The following EVC2 variants were observed in gnomAD, a reference collection of about 807,000 sequenced individuals.
EVC2 encodes the protein limbin.
EVC2 carries 148 observed loss-of-function variants against 149.3 expected under a neutral mutation model. The ratio of observed to expected loss-of-function variants is 0.99; its 90% confidence interval spans 0.87 to 1.14. EVC2 has a LOEUF of 1.14. Ranked by LOEUF, EVC2 falls within the 50% of genes most tolerant of loss-of-function variation. The pLI, the probability that EVC2 is intolerant of heterozygous loss-of-function variation, is 0.00. For synonymous variants in EVC2, 776 were observed against 649.9 expected (o/e 1.19, Z -2.95); for missense variants, 1,854 against 1,627.3 (o/e 1.14, Z -2.40).
Position 5,567,898 on chromosome 4 carries a change from T to C in EVC2, c.3557+546A>G, listed in dbSNP as rs1176622682. On this transcript the variant is annotated intron_variant, in intron 20 of 21. Transcript: ENST00000344408. This position sits in a 1 kb window ranked among gnomAD's most constrained non-coding sequence, Gnocchi z 4.4. Reference sequence around the variant, plus strand: ...AGGAAATAGAATCTAAGTAATGGGATAAGAATTACATAGGGGGATGTTTGC... The same window carrying C: ...AGGAAATAGAATCTAAGTAATGGGACAAGAATTACATAGGGGGATGTTTGC... Among the ~76,000 whole-genome samples, 1 of 152,164 alleles carries C rather than the reference T, an allele frequency of 6.6e-6. No individual in the cohort carries two copies. The highest frequency in any genetic ancestry group is 2.4e-5 in the African/African-American group (1 of 41,424).
At chr4:5,597,597 C>T (rs1365631482) in intron 16 of EVC2, among the ~76,000 whole-genome samples, 5 of 151,260 alleles carry the variant, frequency 3.3e-5, no homozygotes, top group African/African-American at 9.7e-5. Flanking sequence ...TATGACAAAC[C>T]CACAGCCAAT....
intron 17 of EVC2, among the ~76,000 whole-genome samples, chr4:5,582,816 C>T (rs374320049): frequency 6.9e-4 from 105 of 152,218 alleles, no homozygotes; most frequent in East Asian, 3.3e-3. Flanking sequence ...GTGCTGTTCT[C>T]GTGATGGAGT....
At chr4:5,544,191 C>T (rs1166566810) in intron 21 of EVC2, among the ~76,000 whole-genome samples, 2 of 151,192 alleles carry the variant, frequency 1.3e-5, no homozygotes, top group Non-Finnish European at 1.5e-5. Flanking sequence ...TACCTGGCCA[C>T]AACCTAAGGC....
chr4:5,574,306 G>A (rs1333472329), intron 19 of EVC2, among the ~76,000 whole-genome samples: 1 of 152,242 alleles, frequency 6.6e-6, no homozygotes, highest in African/African-American at 2.4e-5. Flanking sequence ...TCAGAGAGGT[G>A]TAGTGTGGGG....
At position 5,640,687 on chromosome 4, in the gene EVC2, T is replaced by C. The variant is rs1717263451; in HGVS notation, c.1297A>G (p.Lys433Glu). Reference protein sequence around the residue: ...QVERKMSAVFKKQFLLLENEI... With the variant: ...QVERKMSAVFEKQFLLLENEI... ...TTTTCCAGCAATAGAAACTGCTTTT[T>C]GAAAACAGCACTCATTTTTCTCTCT... Residue 433 changes from lysine to glutamate, a missense_variant, in exon 10 of 22, where the codon AAA (lysine) becomes GAA (glutamate). Physicochemically the swap from Lys to Glu is moderately conservative, Grantham distance 56. Coordinates refer to ENST00000344408, the MANE Select transcript of EVC2 (RefSeq NM_147127.5). This position sits in a 1 kb window ranked among gnomAD's most constrained non-coding sequence, Gnocchi z 4.6. 1 of 1,614,070 alleles carries C rather than the reference T, an allele frequency of 6.2e-7. No individual in the cohort carries two copies. Among genetic ancestry groups the C allele is most frequent in the Non-Finnish European group, 8.5e-7 (1 of 1,180,040 alleles).
At position 5,677,735 on chromosome 4, in the gene EVC2, G is replaced by A. The variant is rs1043905808; in HGVS notation, c.870+3525C>T. Among the ~76,000 whole-genome samples, 12 of 152,166 alleles carry A rather than the reference G, an allele frequency of 7.9e-5. No individual in the cohort carries two copies. Among genetic ancestry groups the A allele is most frequent in the Non-Finnish European group, 1.3e-4 (9 of 68,024 alleles). ...CATTGACGACAATAAGCTCAATCAC[G>A]GGATATTTACCTGTTGAGTGCCACC... is the stretch of plus-strand genomic sequence containing the variant. On this transcript the variant is annotated intron_variant, in intron 7 of 21. Transcript: ENST00000344408. This position sits in a 1 kb window ranked among gnomAD's most constrained non-coding sequence, Gnocchi z 4.3.
At chr4:5,583,594 TAGTTTTTGAATTCATTTC>T (rs1711997421) in intron 17 of EVC2, among the ~76,000 whole-genome samples, 1 of 152,210 alleles carries the variant, frequency 6.6e-6, no homozygotes, top group African/African-American at 2.4e-5. Context: ...TGCATTTTTC[TAGTTTTTGAATTCATTTC>T]AGTTTTTGAA....
At chr4:5,549,865 G>C (rs141629733) in intron 21 of EVC2, among the ~76,000 whole-genome samples, 3 of 152,304 alleles carry the variant, frequency 2.0e-5, no homozygotes, top group African/African-American at 7.2e-5. Flanking sequence ...ATTGAATCAT[G>C]GGGGCTGGTC....
intron 2 of EVC2, 109 bp from the exon 3 acceptor site, chr4:5,694,610 T>A (rs770648315): frequency 7.9e-6 from 10 of 1,268,434 alleles, no homozygotes; most frequent in Non-Finnish European, 1.0e-5. Flanking sequence ...TTAGAAGACG[T>A]TTGTTGGGTA....
intron 9 of EVC2, among the ~76,000 whole-genome samples, chr4:5,641,560 A>G (rs6833786): frequency 0.67 from 101,180 of 152,094 alleles, 33,848 homozygotes; most frequent in African/African-American, 0.72. Context: ...AAAACTGTAT[A>G]TACTTCCAGT....
At position 5,593,203 on chromosome 4, in the gene EVC2, T is replaced by G. The variant is rs58497451; in HGVS notation, c.2830-8353A>C. ...TCTCGGGTATGTCCTTATAGTAGTG[T>G]GAGAATGGACTAATACAGGATGCAA... On this transcript the variant is annotated intron_variant, in intron 16 of 21. Coordinates refer to ENST00000344408, the MANE Select transcript of EVC2 (RefSeq NM_147127.5). Among the ~76,000 whole-genome samples the G allele has an allele frequency of 2.1e-3, 326 of 152,276 alleles. 2 individuals carry two copies. Among genetic ancestry groups the G allele is most frequent in the African/African-American group, 7.5e-3 (310 of 41,544 alleles).
intron 9 of EVC2, among the ~76,000 whole-genome samples, chr4:5,662,617 T>C (rs970844945): frequency 1.4e-5 from 2 of 145,148 alleles, no homozygotes; most frequent in African/African-American, 5.0e-5. Context: ...TAAATATATT[T>C]AGATTAATTA....
At chr4:5,538,905 C>T (rs547945755), downstream of EVC2, among the ~76,000 whole-genome samples, 12 of 152,150 alleles carry the variant, frequency 7.9e-5, no homozygotes, top group Admixed American at 2.0e-4. Context: ...GGGTTATATC[C>T]GCTCTCACCA....
intron 16 of EVC2, among the ~76,000 whole-genome samples, chr4:5,606,175 T>C (rs1379354494): frequency 2.0e-5 from 3 of 152,220 alleles, no homozygotes; most frequent in African/African-American, 7.2e-5. Context: ...AGCTGCTAAG[T>C]GCAGCCTTGC....
chr4:5,597,208 C>T (rs1713513333), intron 16 of EVC2, among the ~76,000 whole-genome samples: 2 of 152,164 alleles, frequency 1.3e-5, no homozygotes, highest in Admixed American at 1.3e-4. Flanking sequence ...TCCTCCCTAA[C>T]TCATTTTATG....
chr4:5,557,314 A>G (rs1319140571), intron 21 of EVC2, among the ~76,000 whole-genome samples: 8 of 152,180 alleles, frequency 5.3e-5, no homozygotes, highest in Admixed American at 5.2e-4. Flanking sequence ...CGGGCTAAAG[A>G]AAAAATCCTA....
intron 16 of EVC2, among the ~76,000 whole-genome samples, chr4:5,586,230 G>C (rs1308080699): frequency 6.6e-6 from 1 of 152,164 alleles, no homozygotes; most frequent in Middle Eastern, 3.2e-3. Flanking sequence ...CTGGGTTGAG[G>C]ATCTCTTATG....
intron 16 of EVC2, among the ~76,000 whole-genome samples, chr4:5,598,286 G>A (rs1713641013): frequency 6.6e-6 from 1 of 151,896 alleles, no homozygotes; most frequent in Admixed American, 6.6e-5. Context: ...AAAGAACAAA[G>A]CTGGAGGCAT....
At chr4:5,689,851 TC>T (rs984384342) in intron 4 of EVC2, among the ~76,000 whole-genome samples, 50 of 152,164 alleles carry the variant, frequency 3.3e-4, no homozygotes, top group African/African-American at 1.2e-3. Flanking sequence ...CCAGAAGCCA[TC>T]CAGCGGCCCA....
Sources: allele counts gnomAD v4.1 joint callset (sites outside exome capture counted in the v4.1 genomes callset), GRCh38; gene constraint gnomAD v4.1.1; non-coding constraint Gnocchi (gnomAD v3.1); transcripts MANE v1.5; gene names NCBI Gene and HGNC (gene_info 2026-07-23, HGNC 2026-07-21).